The following ITGAM variants were observed in gnomAD, a reference collection of about 807,000 sequenced individuals.
ITGAM encodes integrin alpha-M.
A neutral mutation model predicts 137.5 loss-of-function variants in ITGAM; 79 were observed. The ratio of observed to expected loss-of-function variants is 0.57; its 90% CI spans 0.48 to 0.69. ITGAM has a LOEUF of 0.69. Ranked by LOEUF, ITGAM falls within the 30% of genes least tolerant of loss-of-function variation. ITGAM has a pLI of 0.00. For missense variants in ITGAM, 1,343 were observed against 1,483.5 expected (o/e 0.91, Z 1.56); for synonymous variants, 583 against 592.3 (o/e 0.98, Z 0.23).
Position 31,297,661 on chromosome 16 carries a change from G to A in ITGAM, c.1497+7G>A. On this transcript the variant is annotated splice_region_variant and intron_variant, in intron 13 of 29. Coordinates refer to ENST00000544665, the MANE Select transcript of ITGAM (RefSeq NM_000632.4). ...GTGCCCCTTGCCCAGGGGGGTGAGT[G>A]GCAATGGGACCTGGGCTGGGTGGGG... 1 of 1,612,030 alleles carries A rather than the reference G, an allele frequency of 6.2e-7. No homozygotes were observed.
chr16:31,273,541 T>A (rs760708814), intron 8 of ITGAM, 23 bp downstream of exon 8: 2 of 1,611,758 alleles, frequency 1.2e-6, no homozygotes, highest in South Asian at 2.2e-5. Context: ...GCTCTCAGGT[T>A]GATGCTTCTG....
At chr16:31,314,867 G>A (rs538551839) in intron 14 of ITGAM, among the ~76,000 whole-genome samples, 21 of 146,820 alleles carry the variant, frequency 1.4e-4, no homozygotes, top group Non-Finnish European at 2.8e-4. Context: ...CTGTCACCCA[G>A]GCTGGAGTAC....
chr16:31,275,766 C>T (rs1235294770), intron 9 of ITGAM, 67 bp downstream of exon 9: 2 of 1,538,636 alleles, frequency 1.3e-6, no homozygotes, highest in Non-Finnish European at 8.9e-7. Flanking sequence ...ACATAGTCCC[C>T]TCTAGAATCC....
chr16:31,330,675 G>C, intron 28 of ITGAM, 70 bp downstream of exon 28: 1 of 1,106,704 alleles, frequency 9.0e-7, no homozygotes, highest in Non-Finnish European at 1.3e-6. Context: ...TCTGGGGGAG[G>C]AGAGAGAGAC....
At chr16:31,323,035 GGAGAGAGA>G (rs150740111) in intron 16 of ITGAM, among the ~76,000 whole-genome samples, 2 of 150,648 alleles carry the variant, frequency 1.3e-5, no homozygotes, top group Admixed American at 6.6e-5. Flanking sequence ...TGGTGGGGGA[GGAGAGAGA>G]GAGAGAGAGA....
intron 12 of ITGAM, among the ~76,000 whole-genome samples, chr16:31,283,656 G>A (rs983114381): frequency 6.6e-6 from 1 of 152,128 alleles, no homozygotes; most frequent in Admixed American, 6.6e-5. Context: ...TCTTTGTGAT[G>A]GGTTTGAACA....
intron 2 of ITGAM, among the ~76,000 whole-genome samples, chr16:31,264,963 G>C (rs1324297359): frequency 1.3e-5 from 2 of 152,146 alleles, no homozygotes; most frequent in Non-Finnish European, 2.9e-5. Flanking sequence ...TGCCTCCTGG[G>C]TTCAAGCAAT....
At chr16:31,309,643 C>T (rs1806471906) in intron 14 of ITGAM, among the ~76,000 whole-genome samples, 1 of 152,108 alleles carries the variant, frequency 6.6e-6, no homozygotes, top group African/African-American at 2.4e-5. Context: ...GAACATTAAG[C>T]CCATTTACAT....
rs1278878482 is a variant in ITGAM, at chr16:31,331,902, CGT to C, written c.*199_*200del. The C allele has an allele frequency of 1.9e-5, 11 of 567,338 alleles. No homozygotes were observed. Among genetic ancestry groups the C allele is most frequent in the Non-Finnish European group, 3.4e-5 (11 of 321,478 alleles). The allele number at this position is 567,338 out of a possible 1,614,324, so 35.1% of individuals were successfully genotyped here. ...GTGTGCAAGTGTGTGCACATGTGTG[CGT>C]GTGCGTGCATGTGCACTTGCACGCC... On this transcript the variant is annotated 3_prime_UTR_variant, in exon 30 of 30. Transcript: ENST00000544665.
At chr16:31,267,935 C>T (rs1014206751) in intron 5 of ITGAM, among the ~76,000 whole-genome samples, 4 of 152,132 alleles carry the variant, frequency 2.6e-5, no homozygotes, top group Non-Finnish European at 4.4e-5. Flanking sequence ...TGAGCCACTG[C>T]GCCTGGCCCA....
chr16:31,308,860 C>T lies in ITGAM; in HGVS notation c.1707+10906C>T, dbSNP rs577058367. Among the ~76,000 whole-genome samples, 9 of 149,688 alleles carry T rather than the reference C, an allele frequency of 6.0e-5. No homozygotes were observed. The East Asian group carries it at 1.4e-3, about 23-fold the overall frequency. On this transcript the variant is annotated intron_variant, in intron 14 of 29. Transcript: ENST00000544665. ...GATTTTGGTATGTTGTGTCTTTGTT[C>T]TCATTGGTTTCAAAGAACATCTTTA...
At position 31,329,260 on chromosome 16, in the gene ITGAM, C is replaced by T. The variant is rs769157570; in HGVS notation, c.2825C>T (p.Thr942Met). The T allele has an allele frequency of 2.3e-5, 37 of 1,612,844 alleles. No homozygotes were observed. Among genetic ancestry groups the T allele is most frequent in the Non-Finnish European group, 3.0e-5 (35 of 1,179,094 alleles). The stretch of plus-strand genomic sequence containing the variant: ...GTCTCCACTAAATATCTCAACTTCA[C>T]GGCCTCAGAGAATACCAGTCGGGTC... ...HGVSTKYLNF[T>M]ASENTSRVMQ... is the part of the protein sequence containing the mutation. Residue 942 changes from threonine (T) to methionine (M), a missense_variant, in exon 24 of 30, where the codon ACG (threonine) becomes ATG (methionine). Coordinates refer to ENST00000544665, the MANE Select transcript of ITGAM (RefSeq NM_000632.4).
Position 31,278,010 on chromosome 16 carries a change from G to C in ITGAM, c.1257G>C (p.Leu419=). ...TCTTACGGAACCGGGTGCAAAGCCTGGTTCTGGGGGCACCTCGATATCAGC... is the reference window on the plus strand; with the variant it reads ...TCTTACGGAACCGGGTGCAAAGCCTCGTTCTGGGGGCACCTCGATATCAGC... ...AIILRNRVQS[L]VLGAPRYQHI... is the part of the protein sequence containing the mutation. Residue 419 remains leucine, a synonymous_variant, in exon 12 of 30, where the codon CTG becomes CTC. Transcript: ENST00000544665. 1 of 1,605,010 alleles carries C rather than the reference G, an allele frequency of 6.2e-7. No individual in the cohort carries two copies. Among genetic ancestry groups the C allele is most frequent in the Non-Finnish European group, 8.5e-7 (1 of 1,175,916 alleles).
intron 12 of ITGAM, among the ~76,000 whole-genome samples, chr16:31,287,431 G>A (rs1369094174): frequency 2.0e-5 from 3 of 152,114 alleles, no homozygotes; most frequent in Admixed American, 6.6e-5. Flanking sequence ...GATACAAATA[G>A]CATTGAATCT....
rs1394521157 is a variant in ITGAM, at chr16:31,328,158, T to A, written c.2720T>A (p.Met907Lys). The change falls in exon 23 of 30, where the codon ATG becomes AAG. Residue 907 changes from methionine (M) to lysine (K), a missense_variant. Transcript: ENST00000544665. ...LKANVTSENN[M>K]PRTNKTEFQL... is the part of the protein sequence containing the mutation. ...TTCTTTCCCTCCAGTGAGAACAACA[T>A]GCCCAGAACCAACAAAACCGAATTC... 6.2e-7 allele frequency: 1 copy of A among 1,613,816 alleles called. No individual in the cohort carries two copies. Among genetic ancestry groups the A allele is most frequent in the East Asian group, 2.2e-5 (1 of 44,890 alleles).
chr16:31,329,603 G>T (rs1178938466), intron 24 of ITGAM, among the ~76,000 whole-genome samples, 195 bp from the exon 25 acceptor site: 5 of 152,156 alleles, frequency 3.3e-5, no homozygotes, highest in Non-Finnish European at 5.9e-5. Context: ...GTCTCCCACC[G>T]AGTAAGTGGG....
At chr16:31,325,653 C>T in intron 21 of ITGAM, 31 bp downstream of exon 21, 2 of 1,594,982 alleles carry the variant, frequency 1.3e-6, no homozygotes, top group Non-Finnish European at 1.7e-6. Context: ...CCCTCCTTTT[C>T]TCTTTGATTT....
intron 12 of ITGAM, among the ~76,000 whole-genome samples, chr16:31,291,972 C>T (rs1308163936): frequency 6.6e-6 from 1 of 151,950 alleles, no homozygotes; most frequent in South Asian, 2.1e-4. Flanking sequence ...AATGATAAAT[C>T]CTTGAGGCAA....
intron 14 of ITGAM, among the ~76,000 whole-genome samples, chr16:31,301,667 A>G (rs1379395378): frequency 6.6e-6 from 1 of 152,216 alleles, no homozygotes; most frequent in African/African-American, 2.4e-5. Flanking sequence ...CAATTTCCAG[A>G]GTACTAGAGA....
Sources: allele counts gnomAD v4.1 joint callset (sites outside exome capture counted in the v4.1 genomes callset), GRCh38; gene constraint gnomAD v4.1.1; transcripts MANE v1.5; gene names NCBI Gene and HGNC (gene_info 2026-07-23, HGNC 2026-07-21).